VWA3B: variants seen among roughly 807,000 people sequenced by gnomAD.
The protein encoded by VWA3B is von Willebrand factor A domain containing 3B.
VWA3B carries 138 observed loss-of-function variants against 158.3 expected under a neutral mutation model. The observed-to-expected ratio is 0.87, with a 90% CI of 0.76 to 1.00. The LOEUF (loss-of-function observed/expected upper bound fraction) is 1.00, where lower values mean the gene tolerates loss of function less well. Ranked by LOEUF, VWA3B falls within the 50% of genes least tolerant of loss-of-function variation. The pLI is 0.00. For synonymous variants in VWA3B, 596 were observed against 587.3 expected (o/e 1.01, Z -0.21); for missense variants, 1,555 against 1,565.1 (o/e 0.99, Z 0.11).
At chr2:98,249,549 C>T (rs892039090) in intron 19 of VWA3B, among the ~76,000 whole-genome samples, 20 of 152,086 alleles carry the variant, frequency 1.3e-4, no homozygotes, top group African/African-American at 4.8e-4. Context: ...GAAAGGGTCC[C>T]CCCAAAATTG....
downstream of VWA3B, chr2:98,313,444 G>A (rs1359931462): frequency 1.3e-5 from 2 of 152,238 alleles, no homozygotes; most frequent in Non-Finnish European, 2.9e-5. Flanking sequence ...CTCCCAGCAG[G>A]AAGGCTCTGG....
chr2:98,143,330 T>G (rs1358943521), intron 7 of VWA3B, among the ~76,000 whole-genome samples: 1 of 152,182 alleles, frequency 6.6e-6, no homozygotes, highest in Non-Finnish European at 1.5e-5. Flanking sequence ...TGAGCCACCA[T>G]GCCTGGCCAA....
chr2:98,143,244 G>A (rs1676923168), intron 7 of VWA3B, among the ~76,000 whole-genome samples: 1 of 152,116 alleles, frequency 6.6e-6, no homozygotes, highest in African/African-American at 2.4e-5. Flanking sequence ...TCACCATGTT[G>A]GGCAGGCTGG....
chr2:98,127,964 T>C (rs1053653030), intron 5 of VWA3B, among the ~76,000 whole-genome samples: 1 of 152,214 alleles, frequency 6.6e-6, no homozygotes, highest in Non-Finnish European at 1.5e-5. Context: ...GCGATATATT[T>C]GTGGCCCAGA....
chr2:98,107,738 A>G (rs973613776), intron 2 of VWA3B, among the ~76,000 whole-genome samples: 28 of 151,754 alleles, frequency 1.8e-4, no homozygotes, highest in African/African-American at 6.5e-4. Flanking sequence ...TGATATCTGT[A>G]ATTTATACCT....
intron 21 of VWA3B, among the ~76,000 whole-genome samples, chr2:98,264,053 T>C (rs1417011813): frequency 6.6e-6 from 1 of 152,004 alleles, no homozygotes; most frequent in African/African-American, 2.4e-5. Flanking sequence ...TCATAATCCT[T>C]TTAATTTCTG....
chr2:98,315,445 G>T (rs1404065243), downstream of VWA3B, among the ~76,000 whole-genome samples: 4 of 152,228 alleles, frequency 2.6e-5, no homozygotes, highest in Non-Finnish European at 2.9e-5. Context: ...TTGAAAACCA[G>T]ATGTAAACTA....
At chr2:98,133,690 A>C in intron 6 of VWA3B, 134 bp from the exon 7 acceptor site, 1 of 705,330 alleles carries the variant, frequency 1.4e-6, no homozygotes, top group South Asian at 1.7e-5. Flanking sequence ...AGGTGCAGGA[A>C]GAAGCAGTGA....
chr2:98,202,053 A>G (rs1438513905), intron 12 of VWA3B, among the ~76,000 whole-genome samples: 1 of 152,170 alleles, frequency 6.6e-6, no homozygotes, highest in African/African-American at 2.4e-5. Context: ...AATATTCCAT[A>G]TTCTTTTTTT....
At chr2:98,245,543 A>G (rs1165939004) in intron 19 of VWA3B, 4 of 457,054 alleles carry the variant, frequency 8.8e-6, no homozygotes, top group South Asian at 1.5e-5. Context: ...CTGAGCTACT[A>G]TCACACTGAA....
chr2:98,098,086 C>T (rs946540149), intron 2 of VWA3B, among the ~76,000 whole-genome samples: 7 of 152,090 alleles, frequency 4.6e-5, no homozygotes, highest in Non-Finnish European at 1.0e-4. Context: ...TGAAAAGATA[C>T]TTGATACGAT....
Position 98,230,159 on chromosome 2 carries a change from TG to T in VWA3B, c.2264del (p.Gly755AlafsTer52). 6.2e-7 allele frequency: 1 copy of T among 1,605,796 alleles called. No homozygotes were observed. ...TSSLNMLKGP[W>X]GLSDQKVQKK... The stretch of plus-strand genomic sequence containing the variant: ...ATCTCTGAATATGTTGAAGGGACCA[TG>T]GGGCCTTTCAGATCAAAAGGTTCAG... On this transcript the variant is annotated frameshift_variant, in exon 16 of 28. Coordinates refer to ENST00000477737, the MANE Select transcript of VWA3B (RefSeq NM_144992.5). LOFTEE classifies it high-confidence loss of function.
At chr2:98,248,032 A>G (rs986256620) in intron 19 of VWA3B, among the ~76,000 whole-genome samples, 1 of 152,044 alleles carries the variant, frequency 6.6e-6, no homozygotes, top group Admixed American at 6.5e-5. Context: ...AATTTTGTGT[A>G]GCCTAGAATT....
chr2:98,256,181 C>T lies in VWA3B; in HGVS notation c.2843+7C>T. ...CTCAAGAGGAAAAAGAAAAGTAAGC[C>T]ATTCCATTCCCTCCTCACTTTTTTT... is the stretch of plus-strand genomic sequence containing the variant. On this transcript the variant is annotated splice_region_variant and intron_variant, in intron 21 of 27. Coordinates refer to ENST00000477737, the MANE Select transcript of VWA3B (RefSeq NM_144992.5). The T allele has an allele frequency of 6.3e-7, 1 of 1,594,180 alleles. No homozygotes were observed. Among genetic ancestry groups the T allele is most frequent in the Non-Finnish European group, 8.5e-7 (1 of 1,175,164 alleles).
At chr2:98,137,561 GAA>G (rs1381472001) in intron 7 of VWA3B, among the ~76,000 whole-genome samples, 1 of 152,166 alleles carries the variant, frequency 6.6e-6, no homozygotes, top group Non-Finnish European at 1.5e-5. Flanking sequence ...GGCAAGAGGA[GAA>G]ATGTGTACCT....
intron 21 of VWA3B, among the ~76,000 whole-genome samples, chr2:98,265,078 A>T (rs1250999947): frequency 6.6e-6 from 1 of 151,678 alleles, no homozygotes; most frequent in African/African-American, 2.4e-5. Context: ...GTTTTAGGGT[A>T]CACGTGCACA....
the VWA3B span, among the ~76,000 whole-genome samples, chr2:98,318,814 CAT>C: frequency 6.6e-6 from 1 of 152,188 alleles, no homozygotes; most frequent in African/African-American, 2.4e-5. Context: ...ATTTATCTAT[CAT>C]CTATCTGTCA....
chr2:98,298,109 G>C, intron 24 of VWA3B, 78 bp downstream of exon 24: 1 of 1,354,558 alleles, frequency 7.4e-7, no homozygotes, highest in African/African-American at 1.5e-5. Flanking sequence ...CAAGGCCACT[G>C]TTTGGCCCTT....
chr2:98,184,115 T>A (rs1680820039), intron 9 of VWA3B, among the ~76,000 whole-genome samples: 1 of 152,246 alleles, frequency 6.6e-6, no homozygotes. Flanking sequence ...TTGGGTCCAC[T>A]GGGCTTTCAC....
Sources: gnomAD v4.1 joint callset for allele counts (sites outside exome capture counted in the v4.1 genomes callset) on GRCh38, gnomAD v4.1.1 for gene constraint, MANE v1.5 for transcripts, NCBI Gene and HGNC (gene_info 2026-07-23, HGNC 2026-07-21) for gene names.